SMAD4: variants seen among roughly 807,000 people sequenced by gnomAD.
The protein encoded by SMAD4 is MAD homolog 4.
SMAD4 carries 7 observed loss-of-function variants against 63.2 expected under a neutral mutation model. The observed-to-expected ratio is 0.11, with a 90% CI of 0.06 to 0.21. SMAD4 has a LOEUF of 0.21. Ranked by LOEUF, SMAD4 falls within the 10% of genes least tolerant of loss-of-function variation. The probability of loss-of-function intolerance (pLI) is 1.00; values close to 1 mark genes in which losing one functional copy is unlikely to be tolerated. For synonymous variants in SMAD4, 215 were observed against 235.4 expected (o/e 0.91, Z 0.79); for missense variants, 312 against 693.8 (o/e 0.45, Z 6.18).
intron 5 of SMAD4, 84 bp downstream of exon 5, chr18:51,055,077 C>G (rs1403904455): frequency 3.1e-6 from 3 of 983,006 alleles, no homozygotes; most frequent in Non-Finnish European, 4.9e-6. Flanking sequence ...GGGGGAAACT[C>G]CAAGTAAGTA....
chr18:51,079,167 G>T lies in SMAD4; in HGVS notation c.*700G>T, dbSNP rs1910545752. On this transcript the variant is annotated 3_prime_UTR_variant, in exon 12 of 12. Coordinates refer to ENST00000342988, the MANE Select transcript of SMAD4 (RefSeq NM_005359.6). ...ACCAGACAAAAAAATTTAAAATTAC[G>T]TTTGTTATTCCTAGTGGATGACTGT... The T allele has an allele frequency of 4.3e-6, 1 of 232,848 alleles. No homozygotes were observed. The highest frequency in any genetic ancestry group is 1.3e-3 in the Middle Eastern group (1 of 782). 14.4% of individuals were successfully genotyped at this position (232,848 alleles called of 1,614,324 possible). A position where few individuals can be genotyped will look rare whatever the true frequency, so the allele number is the denominator to read the frequency against.
At chr18:51,049,440 C>G in intron 4 of SMAD4, 116 bp downstream of exon 4, 1 of 775,136 alleles carries the variant, frequency 1.3e-6, no homozygotes, top group Non-Finnish European at 2.3e-6. Flanking sequence ...AAGAAAATAA[C>G]TTACTGCTTT....
Position 51,078,479 on chromosome 18 carries a change from G to A in SMAD4, c.*12G>A, listed in dbSNP as rs148687037. 2.1e-4 allele frequency: 334 copies of A among 1,588,950 alleles called. 2 individuals carry two copies. In the East Asian group the frequency reaches 5.7e-3, roughly 27 times the overall value. On this transcript the variant is annotated 3_prime_UTR_variant, in exon 12 of 12. Coordinates refer to ENST00000342988, the MANE Select transcript of SMAD4 (RefSeq NM_005359.6). ...AACCTTTAGACTGAGGTCTTTTACC[G>A]TTGGGGCCCTTAACCTTATCAGGAT...
At chr18:51,073,388 T>TATATATACACACACAC (rs1417299090) in intron 10 of SMAD4, among the ~76,000 whole-genome samples, 12 of 64,156 alleles carry the variant, frequency 1.9e-4, no homozygotes, top group African/African-American at 6.9e-4. Context: ...TATATATATA[T>TATATATACACACACAC]ACACACACAC....
rs7238500 is a variant in SMAD4, at chr18:51,058,432, A to G, written c.880A>G (p.Met294Val). ...QNGHLQHHPP[M>V]PPHPGHYWPV... ...CGGCCATCTTCAGCACCACCCGCCT[A>G]TGCCGCCCCATCCCGGACATTACTG... The change falls in exon 7 of 12, where the codon ATG becomes GTG. Residue 294 changes from methionine (M) to valine (V), a missense_variant. Coordinates refer to ENST00000342988, the MANE Select transcript of SMAD4 (RefSeq NM_005359.6). 160 of 1,610,928 alleles carry G rather than the reference A, an allele frequency of 9.9e-5. No homozygotes were observed. In the African/African-American group the frequency reaches 1.6e-3, roughly 16 times the overall value.
chr18:51,051,221 A>G (rs1307991503), intron 4 of SMAD4: 1 of 340,344 alleles, frequency 2.9e-6, no homozygotes, highest in Non-Finnish European at 5.8e-6. Context: ...TTCTAAAATT[A>G]TTGATGCACT....
At chr18:51,071,664 A>G (rs1910321277) in intron 10 of SMAD4, among the ~76,000 whole-genome samples, 1 of 152,224 alleles carries the variant, frequency 6.6e-6, no homozygotes, top group African/African-American at 2.4e-5. Context: ...TTTAAATTGG[A>G]CAATTCAATG....
rs1599205183 is a variant in SMAD4 at position 51,078,249 on chromosome 18, C to T, written c.1448-7C>T. On this transcript the variant is annotated splice_region_variant and splice_polypyrimidine_tract_variant and intron_variant, in intron 11 of 11. Coordinates refer to ENST00000342988, the MANE Select transcript of SMAD4 (RefSeq NM_005359.6). Reference sequence around the variant, plus strand: ...CCCTCTGATGTCTTCCAAATCTTTTCTGTTAGGTCTGTCAGCTGCTGCTGG... The same window carrying T: ...CCCTCTGATGTCTTCCAAATCTTTTTTGTTAGGTCTGTCAGCTGCTGCTGG... 5.6e-6 allele frequency: 9 copies of T among 1,610,092 alleles called. No homozygotes were observed. The highest frequency in any genetic ancestry group is 7.6e-6 in the Non-Finnish European group (9 of 1,177,148).
In SMAD4 at chr18:51,081,939, C is replaced by A. The variant is rs1205718892; in HGVS notation, c.*3472C>A. The A allele has an allele frequency of 8.6e-6, 2 of 231,880 alleles. No homozygotes were observed. The highest frequency in any genetic ancestry group is 1.7e-5 in the Non-Finnish European group (2 of 117,346). The allele number at this position is 231,880 out of a possible 1,614,324, so 14.4% of individuals were successfully genotyped here. On this transcript the variant is annotated 3_prime_UTR_variant, in exon 12 of 12. Transcript: ENST00000342988. The stretch of plus-strand genomic sequence containing the variant: ...TTTGATGGTAACTGGTTAATAGTTA[C>A]TCACCATTTTATGCAGAGTCACATT...
chr18:51,056,427 C>T (rs1474819926), intron 5 of SMAD4, among the ~76,000 whole-genome samples: 3 of 151,838 alleles, frequency 2.0e-5, no homozygotes, highest in Admixed American at 6.6e-5. Flanking sequence ...TTTTAATAAT[C>T]GAATACCGTA....
rs112044857 is a variant in SMAD4 at position 51,060,337 on chromosome 18, T to G, written c.955+421T>G. On this transcript the variant is annotated intron_variant, in intron 8 of 11. Transcript: ENST00000342988. ...GGTTAACTGGAATTTAGAAACTATT[T>G]GATTAAATTGTATGCAAAAGAGTAA... Among the ~76,000 whole-genome samples the G allele has an allele frequency of 7.7e-3, 1,169 of 152,336 alleles. 17 individuals are homozygous for G. Among genetic ancestry groups the G allele is most frequent in the African/African-American group, 0.026 (1,100 of 41,568 alleles).
intron 10 of SMAD4, among the ~76,000 whole-genome samples, chr18:51,068,726 G>A (rs1379861089): frequency 2.0e-5 from 3 of 148,124 alleles, no homozygotes; most frequent in Non-Finnish European, 3.0e-5. Context: ...CAAGACCAAC[G>A]TAAGCCACAA....
chr18:51,041,260 G>C (rs762601728), intron 1 of SMAD4, among the ~76,000 whole-genome samples: 11 of 152,110 alleles, frequency 7.2e-5, no homozygotes, highest in Non-Finnish European at 1.6e-4. Flanking sequence ...ATCCGTCTCT[G>C]CTTTTCCTCA....
In SMAD4 at chr18:51,084,012, GCACACACACACA is replaced by G. The variant is rs56017493; in HGVS notation, c.*5566_*5577del. 5.3e-4 allele frequency: 86 copies of G among 162,876 alleles called. No homozygotes were observed. Among genetic ancestry groups the G allele is most frequent in the African/African-American group, 2.1e-3 (73 of 35,204 alleles). The allele number at this position is 162,876 out of a possible 1,614,324, so 10.1% of individuals were successfully genotyped here. A position where few individuals can be genotyped will look rare whatever the true frequency, so the allele number is the denominator to read the frequency against. On this transcript the variant is annotated 3_prime_UTR_variant, in exon 12 of 12. Coordinates refer to ENST00000342988, the MANE Select transcript of SMAD4 (RefSeq NM_005359.6). ...TTAACGCGCGTGCGCACGCGCGCGC[GCACACACACACA>G]CACACACACACACACACACAGGTCA...
chr18:51,054,384 A>G (rs773005591), intron 4 of SMAD4: 2 of 258,834 alleles, frequency 7.7e-6, no homozygotes, highest in East Asian at 1.0e-4. Flanking sequence ...CTCAGTCTCT[A>G]TTTAGACCGA....
rs1910615608 is a variant in SMAD4, at chr18:51,081,642, C to T, written c.*3175C>T. The T allele has an allele frequency of 4.3e-6, 1 of 232,798 alleles. No homozygotes were observed. Among genetic ancestry groups the T allele is most frequent in the Non-Finnish European group, 8.5e-6 (1 of 117,816 alleles). The allele number at this position is 232,798 out of a possible 1,614,324, so 14.4% of individuals were successfully genotyped here. On this transcript the variant is annotated 3_prime_UTR_variant, in exon 12 of 12. Coordinates refer to ENST00000342988, the MANE Select transcript of SMAD4 (RefSeq NM_005359.6). ...AACTGAACTCATATTAGCTGTGCTG[C>T]ATTTCAGACTTAAAATCCATTTTTG...
chr18:51,073,394 C>A (rs35774297), intron 10 of SMAD4, among the ~76,000 whole-genome samples: 3 of 32,612 alleles, frequency 9.2e-5, no homozygotes, highest in South Asian at 1.3e-3. Flanking sequence ...TATATACACA[C>A]ACACACACAC....
At position 51,059,868 on chromosome 18, in the gene SMAD4, C is replaced by G. The variant is rs1568206575; in HGVS notation, c.907C>G (p.Pro303Ala). ...PMPPHPGHYW[P>A]VHNELAFQPP... ...AATTTTTGTTGTCTTTTCTTTAGGG[C>G]CTGTTCACAATGAGCTTGCATTCCA... The change falls in exon 8 of 12, where the codon CCT becomes GCT. Residue 303 changes from proline to alanine, a missense_variant and splice_region_variant. This residue lies in a region of SMAD4 where 169 missense variants were observed against 211.0 expected (regional missense o/e 0.80). Coordinates refer to ENST00000342988, the MANE Select transcript of SMAD4 (RefSeq NM_005359.6). The G allele has an allele frequency of 3.7e-6, 6 of 1,611,936 alleles. No homozygotes were observed. The highest frequency in any genetic ancestry group is 4.2e-6 in the Non-Finnish European group (5 of 1,178,196).
intron 8 of SMAD4, 48 bp downstream of exon 8, chr18:51,059,964 G>T: frequency 1.4e-6 from 2 of 1,424,082 alleles, no homozygotes; most frequent in Non-Finnish European, 2.0e-6. Context: ...TGATTTAGTG[G>T]TGATTGAAAC....
Sources: allele counts gnomAD v4.1 joint callset (sites outside exome capture counted in the v4.1 genomes callset), GRCh38; gene constraint gnomAD v4.1.1; regional missense constraint gnomAD v4.1.1; transcripts MANE v1.5; gene names NCBI Gene and HGNC (gene_info 2026-07-23, HGNC 2026-07-21).